The following COA5 variants were observed in gnomAD, a reference collection of about 807,000 sequenced individuals.
COA5 encodes the protein protein C2orf64.
COA5 carries 11 observed loss-of-function variants against 11.8 expected under a neutral mutation model. The ratio of observed to expected loss-of-function variants is 0.93; its 90% CI spans 0.59 to 1.54. The LOEUF is 1.54. Among genes scored for constraint, COA5 ranks in the 40% most tolerant of loss-of-function variants. The pLI, the probability that COA5 is intolerant of heterozygous loss-of-function variation, is 0.00. For synonymous variants in COA5, 38 were observed against 37.5 expected, an observed-to-expected ratio of 1.01 and a Z score of -0.05; for missense variants, 87 against 89.2, an observed-to-expected ratio of 0.97 and a Z score of 0.10.
chr2:98,607,407 T>TTTAC (rs1277580044), intron 1 of COA5, among the ~76,000 whole-genome samples: 7 of 152,166 alleles, frequency 4.6e-5, no homozygotes, highest in Non-Finnish European at 7.3e-5. Context: ...TAACTCAAGT[T>TTTAC]TTACTAGACA....
Position 98,608,482 on chromosome 2 carries a change from C to A in COA5, c.-77G>T, listed in dbSNP as rs564546627. 23 of 1,182,714 alleles carry A rather than the reference C, an allele frequency of 1.9e-5. No individual in the cohort carries two copies. Among genetic ancestry groups the A allele is most frequent in the South Asian group, 1.3e-4 (10 of 77,190 alleles). The allele number at this position is 1,182,714 out of a possible 1,614,324, so 73.3% of individuals were successfully genotyped here. Reference sequence around the variant, plus strand: ...GCAACCGGGTCGGGAGCGAGCGAGGCCCCAGTCTCAGGGGACCGGAAGCCA... The same window carrying A: ...GCAACCGGGTCGGGAGCGAGCGAGGACCCAGTCTCAGGGGACCGGAAGCCA... On this transcript the variant is annotated 5_prime_UTR_variant, in exon 1 of 3. Transcript: ENST00000328709.
chr2:98,604,839 A>G (rs1450950348), intron 1 of COA5: 1 of 152,532 alleles, frequency 6.6e-6, no homozygotes. Context: ...TCCAGTCTGT[A>G]TGTCTGCCTG....
Position 98,608,369 on chromosome 2 carries a change from C to A in COA5, c.37G>T (p.Ala13Ser), listed in dbSNP as rs371862029. 4 of 1,608,586 alleles carry A rather than the reference C, an allele frequency of 2.5e-6. No individual in the cohort carries two copies. The highest frequency in any genetic ancestry group is 1.7e-4 in the Middle Eastern group (1 of 6,060). The change falls in exon 1 of 3, where the codon GCG becomes TCG. Residue 13 changes from alanine (A) to serine (S), a missense_variant. Coordinates refer to ENST00000328709, the MANE Select transcript of COA5 (RefSeq NM_001008215.3). ...AGGTCCTCCTTCAGGCCCGCGCACG[C>A]GCCGCCCTGCGGCTTGTCCTCATAA... ...KYYEDKPQGG[A>S]CAGLKEDLGA...
intron 1 of COA5, chr2:98,604,682 G>T (rs1472682944): frequency 6.1e-6 from 1 of 163,524 alleles, no homozygotes; most frequent in Non-Finnish European, 1.3e-5. Flanking sequence ...CCCTCAAGCA[G>T]ATTTTGACTC....
At position 98,608,501 on chromosome 2, in the gene COA5, G is replaced by A. The variant is rs925485944; in HGVS notation, c.-96C>T. 161 of 977,428 alleles carry A rather than the reference G, an allele frequency of 1.6e-4. No individual in the cohort carries two copies. The highest frequency in any genetic ancestry group is 4.6e-4 in the Admixed American group (23 of 50,234). The allele number at this position is 977,428 out of a possible 1,614,324, so 60.5% of individuals were successfully genotyped here. A position where few individuals can be genotyped will look rare whatever the true frequency, so the allele number is the denominator to read the frequency against. On this transcript the variant is annotated 5_prime_UTR_variant, in exon 1 of 3. Transcript: ENST00000328709. ...GCGAGGCCCCAGTCTCAGGGGACCG[G>A]AAGCCAGCGGCAACAACTTCCGGCG... is the stretch of plus-strand genomic sequence containing the variant.
At chr2:98,604,398 A>C (rs559144422) in intron 1 of COA5, 14 of 552,544 alleles carry the variant, frequency 2.5e-5, no homozygotes, top group African/African-American at 2.1e-4. Flanking sequence ...CTTTAAGGAC[A>C]CTGTTGAATT....
chr2:98,600,926 G>A (rs1700634400), intron 2 of COA5, 133 bp from the exon 3 acceptor site: 1 of 673,770 alleles, frequency 1.5e-6, no homozygotes, highest in African/African-American at 1.8e-5. Context: ...GATGACATCA[G>A]AACTACCAAG....
chr2:98,603,212 C>T (rs1016051531), intron 2 of COA5, among the ~76,000 whole-genome samples: 1 of 152,166 alleles, frequency 6.6e-6, no homozygotes, highest in African/African-American at 2.4e-5. Flanking sequence ...GGTGTGGTGG[C>T]TCACTCCTGT....
At chr2:98,601,938 T>A (rs1467090172) in intron 2 of COA5, among the ~76,000 whole-genome samples, 1 of 152,168 alleles carries the variant, frequency 6.6e-6, no homozygotes, top group Non-Finnish European at 1.5e-5. Flanking sequence ...GTGGAAAGAT[T>A]GTCTTCTTCC....
chr2:98,605,484 G>A (rs1700695395), intron 1 of COA5, among the ~76,000 whole-genome samples: 1 of 152,198 alleles, frequency 6.6e-6, no homozygotes, highest in Admixed American at 6.5e-5. Context: ...TGCGTTCATG[G>A]AAGACTGAGG....
intron 1 of COA5, among the ~76,000 whole-genome samples, chr2:98,606,371 G>C (rs17506535): frequency 0.23 from 35,146 of 152,092 alleles, 4,276 homozygotes; most frequent in Middle Eastern, 0.35. Flanking sequence ...CATTCAGAAT[G>C]AATTTAACAC....
intron 1 of COA5, among the ~76,000 whole-genome samples, chr2:98,607,558 C>T (rs1700725052): frequency 6.6e-6 from 1 of 152,212 alleles, no homozygotes; most frequent in African/African-American, 2.4e-5. Context: ...TCTGAAACTA[C>T]ATCCCCCAAT....
At position 98,608,339 on chromosome 2, in the gene COA5, C is replaced by T. The variant is rs759705442; in HGVS notation, c.67G>A (p.Ala23Thr). ...ACAGLKEDLG[A>T]CLLQSDCVVQ... ...ACACAGTCCGACTGCAGCAGACACGCGCCCAGGTCCTCCTTCAGGCCCGCG... is the reference window on the plus strand; with the variant it reads ...ACACAGTCCGACTGCAGCAGACACGTGCCCAGGTCCTCCTTCAGGCCCGCG... Residue 23 changes from alanine to threonine, a missense_variant, in exon 1 of 3, where the codon GCG (alanine) becomes ACG (threonine). Ala to Thr is a moderately conservative substitution (Grantham distance 58). Coordinates refer to ENST00000328709, the MANE Select transcript of COA5 (RefSeq NM_001008215.3). 5 of 1,609,072 alleles carry T rather than the reference C, an allele frequency of 3.1e-6. No individual in the cohort carries two copies. Among genetic ancestry groups the T allele is most frequent in the South Asian group, 1.1e-5 (1 of 90,438 alleles).
At position 98,600,686 on chromosome 2, in the gene COA5, G is replaced by T; in HGVS notation, c.*66C>A. 4.3e-6 allele frequency: 6 copies of T among 1,390,244 alleles called. No homozygotes were observed. Among genetic ancestry groups the T allele is most frequent in the Non-Finnish European group, 6.1e-6 (6 of 988,094 alleles). 86.1% of individuals were successfully genotyped at this position (1,390,244 alleles called of 1,614,324 possible). A position where few individuals can be genotyped will look rare whatever the true frequency, so the allele number is the denominator to read the frequency against. On this transcript the variant is annotated 3_prime_UTR_variant, in exon 3 of 3. Coordinates refer to ENST00000328709, the MANE Select transcript of COA5 (RefSeq NM_001008215.3). ...TAGTAAAAAGTATGTTTCCTGTTTT[G>T]GCTTCTTTGTGTTAATGACCAGGGA...
chr2:98,601,695 C>T (rs1700643504), intron 2 of COA5, among the ~76,000 whole-genome samples: 1 of 152,156 alleles, frequency 6.6e-6, no homozygotes, highest in African/African-American at 2.4e-5. Context: ...GGAAGCAGGC[C>T]ACACAGGTGG....
chr2:98,599,726 T>C lies in COA5; in HGVS notation c.*1026A>G, dbSNP rs1372355982. The C allele has an allele frequency of 2.0e-5, 3 of 152,276 alleles. No homozygotes were observed. The highest frequency in any genetic ancestry group is 4.8e-5 in the African/African-American group (2 of 41,464). The allele number at this position is 152,276 out of a possible 1,614,324, so 9.4% of individuals were successfully genotyped here. On this transcript the variant is annotated 3_prime_UTR_variant, in exon 3 of 3. Transcript: ENST00000328709. ...TGGATTCCTGTTTGACTCTACTGTA[T>C]TAAGTGATCAGAATAAAATTACTGT...
intron 2 of COA5, 134 bp from the exon 3 acceptor site, chr2:98,600,927 A>T (rs895404082): frequency 4.4e-6 from 3 of 675,490 alleles, no homozygotes; most frequent in Non-Finnish European, 8.0e-6. Context: ...ATGACATCAG[A>T]ACTACCAAGA....
At chr2:98,605,553 T>G (rs1700696368) in intron 1 of COA5, among the ~76,000 whole-genome samples, 1 of 152,246 alleles carries the variant, frequency 6.6e-6, no homozygotes, top group African/African-American at 2.4e-5. Context: ...TCTATCTCGT[T>G]TAAGCCACTA....
chr2:98,605,073 G>C (rs115939925), intron 1 of COA5, among the ~76,000 whole-genome samples: 1 of 152,124 alleles, frequency 6.6e-6, no homozygotes, highest in African/African-American at 2.4e-5. Flanking sequence ...TTTTTCAAAA[G>C]CTTTCAACCT....
Sources: gnomAD v4.1 joint callset for allele counts (sites outside exome capture counted in the v4.1 genomes callset) on GRCh38, gnomAD v4.1.1 for gene constraint, MANE v1.5 for transcripts, NCBI Gene and HGNC (gene_info 2026-07-23, HGNC 2026-07-21) for gene names.